OSBPL5: variants seen among roughly 807,000 people sequenced by gnomAD.
OSBPL5 encodes oxysterol binding protein like 5, also known as oxysterol-binding protein-related protein 5.
Under a neutral mutation model 111.2 loss-of-function variants are expected in OSBPL5, and 71 were observed. The observed-to-expected ratio is 0.64, with a 90% CI of 0.53 to 0.78. OSBPL5 has a LOEUF of 0.78. OSBPL5 is among the 30% of genes least tolerant of loss of function. The pLI is 0.00. For synonymous variants in OSBPL5, 549 were observed against 513.9 expected (o/e 1.07, Z -0.93); for missense variants, 1,210 against 1,189.3 (o/e 1.02, Z -0.26).
rs536194600 is a variant in OSBPL5 at position 3,142,949 on chromosome 11, A to G, written c.-21-13780T>C. ...GTGTGAGCAGAGACCCTTGGGACCCAGCATCTGGGTCTGGACGGTCCTGGA... is the reference window on the plus strand; with the variant it reads ...GTGTGAGCAGAGACCCTTGGGACCCGGCATCTGGGTCTGGACGGTCCTGGA... On this transcript the variant is annotated intron_variant, in intron 1 of 21. Transcript: ENST00000263650. This position sits in a 1 kb window ranked among gnomAD's most constrained non-coding sequence, Gnocchi z 7.1. Among the ~76,000 whole-genome samples the G allele has an allele frequency of 1.2e-4, 17 of 143,904 alleles. No individual in the cohort carries two copies. The highest frequency in any genetic ancestry group is 7.1e-4 in the Admixed American group (10 of 14,152). The allele number at this position is 143,904 out of a possible 152,430, so 94.4% of individuals were successfully genotyped here. A position where few individuals can be genotyped will look rare whatever the true frequency, so the allele number is the denominator to read the frequency against.
At chr11:3,089,174 G>A (rs11820531) in intron 21 of OSBPL5, among the ~76,000 whole-genome samples, 7,012 of 152,284 alleles carry the variant, frequency 0.046, 223 homozygotes, top group African/African-American at 0.097. Context: ...GTTCCCCAAG[G>A]CTCTTGAGCC....
rs1362288666 is a variant in OSBPL5, at chr11:3,140,514, C to T, written c.-21-11345G>A. Among the ~76,000 whole-genome samples, 4 of 152,146 alleles carry T rather than the reference C, an allele frequency of 2.6e-5. No homozygotes were observed. The highest frequency in any genetic ancestry group is 9.7e-5 in the African/African-American group (4 of 41,422). On this transcript the variant is annotated intron_variant, in intron 1 of 21. Coordinates refer to ENST00000263650, the MANE Select transcript of OSBPL5 (RefSeq NM_020896.4). The surrounding 1 kb of genome is among the most constrained non-coding windows in gnomAD (Gnocchi z 4.5). Reference sequence around the variant, plus strand: ...AGGCCTTGACCTGGTAGCCCACTTTCAACACTCCGTGAGCACGCAGGGCCT... The same window carrying T: ...AGGCCTTGACCTGGTAGCCCACTTTTAACACTCCGTGAGCACGCAGGGCCT...
intron 11 of OSBPL5, 77 bp from the exon 12 acceptor site, chr11:3,102,358 C>T (rs962314043): frequency 7.0e-5 from 99 of 1,407,460 alleles, no homozygotes; most frequent in Middle Eastern, 3.5e-4. Flanking sequence ...GGGATGTGGA[C>T]GGAGGGGCAG....
At chr11:3,112,130 T>C (rs1450775715) in intron 7 of OSBPL5, among the ~76,000 whole-genome samples, 5 of 124,228 alleles carry the variant, frequency 4.0e-5, no homozygotes, top group Non-Finnish European at 7.1e-5. Context: ...TGTGTGCGCA[T>C]ATGTGTGTGT....
rs1346976704 is a variant in OSBPL5 at position 3,107,745 on chromosome 11, A to G, written c.866+26T>C. Reference sequence around the variant, plus strand: ...CAAGGAGACCCCGTGAATCACCACCAGCCCCTGTGCCCTCGCCCCACTCAC... The same window carrying G: ...CAAGGAGACCCCGTGAATCACCACCGGCCCCTGTGCCCTCGCCCCACTCAC... On this transcript the variant is annotated intron_variant, in intron 8 of 21. Coordinates refer to ENST00000263650, the MANE Select transcript of OSBPL5 (RefSeq NM_020896.4). The surrounding 1 kb of genome is among the most constrained non-coding windows in gnomAD (Gnocchi z 6.1). The G allele has an allele frequency of 6.2e-6, 10 of 1,607,198 alleles. No individual in the cohort carries two copies. Among genetic ancestry groups the G allele is most frequent in the Middle Eastern group, 1.7e-4 (1 of 6,058 alleles).
Position 3,092,216 on chromosome 11 carries a change from C to T in OSBPL5, c.2259+216G>A, listed in dbSNP as rs1382277717. On this transcript the variant is annotated intron_variant, in intron 19 of 21. Transcript: ENST00000263650. This position sits in a 1 kb window ranked among gnomAD's most constrained non-coding sequence, Gnocchi z 5.4. ...GACAGAGACAGTAGACACAGGGTCC[C>T]ACAAGCCAAGGTGCCCCTAGAACTG... 6.6e-6 allele frequency among the ~76,000 whole-genome samples: 1 copy of T among 152,088 alleles called. No homozygotes were observed. Among genetic ancestry groups the T allele is most frequent in the African/African-American group, 2.4e-5 (1 of 41,400 alleles).
chr11:3,155,604 T>C (rs1337242645), intron 1 of OSBPL5, among the ~76,000 whole-genome samples: 11 of 69,156 alleles, frequency 1.6e-4, no homozygotes, highest in African/African-American at 4.3e-4. Context: ...CCCCCCAGCT[T>C]TGCCACTCAC....
chr11:3,124,056 C>T (rs924880634), intron 3 of OSBPL5, among the ~76,000 whole-genome samples: 9 of 152,152 alleles, frequency 5.9e-5, no homozygotes, highest in African/African-American at 2.2e-4. Context: ...GTCAGGTGAG[C>T]GCTGCGGTTC....
intron 17 of OSBPL5, 141 bp downstream of exon 17, chr11:3,093,386 G>T: frequency 7.7e-7 from 1 of 1,306,170 alleles, no homozygotes; most frequent in Non-Finnish European, 1.0e-6. Flanking sequence ...CACGTGATCT[G>T]CCACCAGGGG....
chr11:3,115,069 T>C (rs2134444802), intron 7 of OSBPL5, among the ~76,000 whole-genome samples: 1 of 152,280 alleles, frequency 6.6e-6, no homozygotes, highest in Middle Eastern at 3.4e-3. Context: ...TTTCAGCTCA[T>C]ATAAGTTTTG....
intron 1 of OSBPL5, among the ~76,000 whole-genome samples, chr11:3,153,135 A>G: frequency 6.6e-6 from 1 of 152,010 alleles, no homozygotes; most frequent in East Asian, 1.9e-4. Flanking sequence ...CAGTCCTGTC[A>G]TGTAGCGGTG....
intron 1 of OSBPL5, among the ~76,000 whole-genome samples, chr11:3,152,822 GA>G (rs1331146613): frequency 1.3e-5 from 2 of 152,190 alleles, no homozygotes; most frequent in Admixed American, 6.5e-5. Context: ...GAAAAGTAAA[GA>G]GCCCTCTAAA....
chr11:3,119,437 G>A, intron 7 of OSBPL5, 110 bp downstream of exon 7: 1 of 1,119,644 alleles, frequency 8.9e-7, no homozygotes, highest in Non-Finnish European at 1.2e-6. Flanking sequence ...GCTGCCCCCA[G>A]ACAGTAGAAG....
chr11:3,117,445 T>C (rs1180432125), intron 7 of OSBPL5, among the ~76,000 whole-genome samples: 1 of 152,248 alleles, frequency 6.6e-6, no homozygotes, highest in Non-Finnish European at 1.5e-5. Context: ...ATTCTTTCTA[T>C]GGAACAAAGT....
rs1193089599 is a variant in OSBPL5, at chr11:3,121,685, C to G, written c.402+312G>C. 3 of 388,228 alleles carry G rather than the reference C, an allele frequency of 7.7e-6. No homozygotes were observed. Among genetic ancestry groups the G allele is most frequent in the Admixed American group, 4.1e-5 (1 of 24,148 alleles). 24.0% of individuals were successfully genotyped at this position (388,228 alleles called of 1,614,324 possible). On this transcript the variant is annotated intron_variant, in intron 5 of 21. Transcript: ENST00000263650. The surrounding 1 kb of genome is among the most constrained non-coding windows in gnomAD (Gnocchi z 4.3). ...AGAAGCCAGAGCAATGTCTCCCTCC[C>G]CAGCGCCCTCCGCCCACTGGCCAGG...
chr11:3,101,727 C>G, intron 12 of OSBPL5, 28 bp from the exon 13 acceptor site: 1 of 1,582,600 alleles, frequency 6.3e-7, no homozygotes, highest in Non-Finnish European at 8.7e-7. Context: ...GCTCTGTAAA[C>G]AGCCCCGGAA....
At chr11:3,098,808 ATT>A (rs112915657) in intron 14 of OSBPL5, among the ~76,000 whole-genome samples, 20 of 139,826 alleles carry the variant, frequency 1.4e-4, no homozygotes, top group African/African-American at 2.9e-4. Context: ...CCCAGCAAAG[ATT>A]TTTTTTTTTT....
rs561096393 is a variant in OSBPL5 at position 3,129,982 on chromosome 11, T to C, written c.-21-813A>G. ...GTGGGTTCAGAAGCGAGTTTCTTGT[T>C]TCCTCCCCTGGAAGGAGAGAGGACA... On this transcript the variant is annotated intron_variant, in intron 1 of 21. Transcript: ENST00000263650. Among the ~76,000 whole-genome samples the C allele has an allele frequency of 5.5e-4, 84 of 152,314 alleles. 1 individual carries two copies. The highest frequency in any genetic ancestry group is 9.6e-4 in the Non-Finnish European group (65 of 68,000).
At position 3,161,234 on chromosome 11, in the gene OSBPL5, A is replaced by G. The variant is rs1010524018; in HGVS notation, c.-22+3982T>C. On this transcript the variant is annotated intron_variant, in intron 1 of 21. Transcript: ENST00000263650. This position sits in a 1 kb window ranked among gnomAD's most constrained non-coding sequence, Gnocchi z 8.0. The stretch of plus-strand genomic sequence containing the variant: ...CTTCGTGTCAGCAGGGTGAGAGGGG[A>G]TCTATGGACCAGTTAAGTCCATCTG... 6 of 152,186 alleles carry G rather than the reference A, an allele frequency of 3.9e-5. No homozygotes were observed. Among genetic ancestry groups the G allele is most frequent in the Non-Finnish European group, 8.8e-5 (6 of 68,042 alleles). 9.4% of individuals were successfully genotyped at this position (152,186 alleles called of 1,614,324 possible).
Sources: gnomAD v4.1 joint callset for allele counts (sites outside exome capture counted in the v4.1 genomes callset) on GRCh38, gnomAD v4.1.1 for gene constraint, Gnocchi (gnomAD v3.1) non-coding constraint, MANE v1.5 for transcripts, NCBI Gene and HGNC (gene_info 2026-07-23, HGNC 2026-07-21) for gene names.